Variants in CSMD2 observed in about 807,000 individuals in gnomAD.
CSMD2 encodes the protein CUB and sushi domain-containing protein 2.
A neutral mutation model predicts 398.5 loss-of-function variants in CSMD2; 130 were observed. The observed-to-expected ratio is 0.33, with a 90% CI of 0.28 to 0.38. The LOEUF (loss-of-function observed/expected upper bound fraction) is 0.38. Ranked by LOEUF, CSMD2 falls within the 10% of genes least tolerant of loss-of-function variation. CSMD2 has a pLI of 1.00. For synonymous variants in CSMD2, 1,828 were observed against 1,908.5 expected (o/e 0.96, Z 1.10); for missense variants, 3,829 against 4,764.9 (o/e 0.80, Z 5.78).
intron 5 of CSMD2, among the ~76,000 whole-genome samples, chr1:33,850,851 T>C (rs969886752): frequency 3.9e-5 from 6 of 152,124 alleles, no homozygotes; most frequent in South Asian, 2.1e-4. Flanking sequence ...CTGTAATGCA[T>C]GTAGTTGATT....
At chr1:34,010,559 C>A (rs1647219853) in intron 3 of CSMD2, among the ~76,000 whole-genome samples, 1 of 152,112 alleles carries the variant, frequency 6.6e-6, no homozygotes, top group Admixed American at 6.5e-5. Flanking sequence ...GGAGCTGGAC[C>A]CGAATCCAGG....
chr1:33,556,350 G>T (rs1178567427), intron 55 of CSMD2, among the ~76,000 whole-genome samples: 1 of 152,162 alleles, frequency 6.6e-6, no homozygotes, highest in African/African-American at 2.4e-5. Flanking sequence ...GCAGTGAGCA[G>T]CTATACCAGG....
At chr1:34,145,267 C>A (rs1639663672) in intron 1 of CSMD2, among the ~76,000 whole-genome samples, 1 of 152,208 alleles carries the variant, frequency 6.6e-6, no homozygotes, top group Non-Finnish European at 1.5e-5. Flanking sequence ...CTCATGGCCT[C>A]AACTCAGACC....
intron 5 of CSMD2, among the ~76,000 whole-genome samples, chr1:33,890,451 C>T (rs1450063655): frequency 2.0e-5 from 3 of 152,066 alleles, no homozygotes; most frequent in East Asian, 1.9e-4. Context: ...AGGATGGTCT[C>T]GATCTCCTGA....
At chr1:33,534,694 G>A (rs1655596700) in intron 62 of CSMD2, among the ~76,000 whole-genome samples, 1 of 152,222 alleles carries the variant, frequency 6.6e-6, no homozygotes, top group Admixed American at 6.5e-5. Context: ...AATGCAATGT[G>A]TAACTCTTAA....
intron 9 of CSMD2, among the ~76,000 whole-genome samples, chr1:33,817,801 C>G (rs565766364): frequency 3.3e-5 from 5 of 152,316 alleles, no homozygotes; most frequent in African/African-American, 9.6e-5. Flanking sequence ...GAAACTGGCC[C>G]AAGGGCCCCA....
Position 33,569,484 on chromosome 1 carries a change from T to C in CSMD2, c.8021A>G (p.Tyr2674Cys), listed in dbSNP as rs1659380310. The part of the protein sequence containing the change: ...NGHRIGTLSV[Y>C]GATAIFSCNS... ...GCAGGAGAAGATGGCTGTTGCCCCG[T>C]AGACAGACAGTGTTCCGATGCGGTG... is the stretch of plus-strand genomic sequence containing the variant. Residue 2674 changes from tyrosine to cysteine, a missense_variant, in exon 52 of 71, where the codon TAC (tyrosine) becomes TGC (cysteine). By Grantham distance (194) the Tyr-to-Cys change is radical. This residue lies in a region of CSMD2 where 723 missense variants were observed against 758.6 expected (regional missense o/e 0.95). Coordinates refer to ENST00000373381, the MANE Select transcript of CSMD2 (RefSeq NM_001281956.2). 6.2e-7 allele frequency: 1 copy of C among 1,614,098 alleles called. No homozygotes were observed. The highest frequency in any genetic ancestry group is 8.5e-7 in the Non-Finnish European group (1 of 1,180,014).
chr1:33,829,695 C>T (rs976061873), intron 6 of CSMD2, among the ~76,000 whole-genome samples: 1 of 152,218 alleles, frequency 6.6e-6, no homozygotes, highest in African/African-American at 2.4e-5. Flanking sequence ...TGAGCCAAAG[C>T]AGGGTGAGGC....
At chr1:33,592,441 G>A (rs769772751) in intron 44 of CSMD2, 34 of 716,484 alleles carry the variant, frequency 4.7e-5, no homozygotes, top group Non-Finnish European at 5.5e-5. Context: ...CTGGGGGGCA[G>A]ATGTGTGCGT....
Position 33,537,200 on chromosome 1 carries a change from G to A in CSMD2, c.9806-105C>T, listed in dbSNP as rs1052369496. ...AGAAAAGAAAATGCGGCCACATCCT[G>A]ACTTCCCTGCCCACTGAGATCCCCA... On this transcript the variant is annotated intron_variant, in intron 61 of 70. Coordinates refer to ENST00000373381, the MANE Select transcript of CSMD2 (RefSeq NM_001281956.2). This position sits in a 1 kb window ranked among gnomAD's most constrained non-coding sequence, Gnocchi z 4.6. 7.6e-7 allele frequency: 1 copy of A among 1,315,948 alleles called. No individual in the cohort carries two copies. Among genetic ancestry groups the A allele is most frequent in the Non-Finnish European group, 1.1e-6 (1 of 922,630 alleles). The allele number at this position is 1,315,948 out of a possible 1,614,324, so 81.5% of individuals were successfully genotyped here.
intron 32 of CSMD2, among the ~76,000 whole-genome samples, chr1:33,628,391 G>A (rs1177546026): frequency 2.6e-5 from 4 of 152,178 alleles, no homozygotes; most frequent in African/African-American, 7.2e-5. Context: ...ATTTAAGGCA[G>A]GGTGAAGTAG....
At chr1:34,107,641 T>A (rs1571144941) in intron 1 of CSMD2, among the ~76,000 whole-genome samples, 1 of 152,100 alleles carries the variant, frequency 6.6e-6, no homozygotes, top group African/African-American at 2.4e-5. Flanking sequence ...GGTGGGTGGG[T>A]GGATGGATGA....
At chr1:33,980,802 C>T (rs879706836) in intron 3 of CSMD2, among the ~76,000 whole-genome samples, 2 of 151,972 alleles carry the variant, frequency 1.3e-5, no homozygotes, top group African/African-American at 4.8e-5. Flanking sequence ...GATGATGAAA[C>T]GAAGGAAAAT....
chr1:33,730,082 A>C (rs1462940141), intron 15 of CSMD2, among the ~76,000 whole-genome samples: 1 of 152,246 alleles, frequency 6.6e-6, no homozygotes, highest in Non-Finnish European at 1.5e-5. Context: ...ATCTAACTGA[A>C]TAAACTAGGG....
chr1:33,788,571 A>G (rs1653836563), intron 12 of CSMD2, 29 bp downstream of exon 12: 1 of 1,247,040 alleles, frequency 8.0e-7, no homozygotes, highest in East Asian at 2.3e-5. Flanking sequence ...CCCAGGACAC[A>G]GTTCATCTGG....
At chr1:33,678,015 G>A (rs1371377439) in intron 25 of CSMD2, among the ~76,000 whole-genome samples, 3 of 150,476 alleles carry the variant, frequency 2.0e-5, no homozygotes, top group African/African-American at 7.3e-5. Flanking sequence ...GCTAAATGAT[G>A]AGTTAATGCG....
intron 1 of CSMD2, among the ~76,000 whole-genome samples, chr1:34,104,370 A>G (rs1447691492): frequency 6.6e-6 from 1 of 152,212 alleles, no homozygotes; most frequent in African/African-American, 2.4e-5. Context: ...GATAATTTTA[A>G]GGAGATAACT....
intron 6 of CSMD2, among the ~76,000 whole-genome samples, chr1:33,836,576 C>T (rs1295486417): frequency 1.3e-5 from 2 of 152,190 alleles, no homozygotes. Context: ...GCACCCCTCC[C>T]CTAGCCTCGC....
chr1:34,039,138 T>C (rs1375249569), intron 2 of CSMD2, among the ~76,000 whole-genome samples: 1 of 152,200 alleles, frequency 6.6e-6, no homozygotes, highest in Non-Finnish European at 1.5e-5. Flanking sequence ...GTCACTGGTA[T>C]GGTTCACCTT....
Sources: allele counts gnomAD v4.1 joint callset (sites outside exome capture counted in the v4.1 genomes callset), GRCh38; gene constraint gnomAD v4.1.1; regional missense constraint gnomAD v4.1.1; non-coding constraint Gnocchi (gnomAD v3.1); transcripts MANE v1.5; gene names NCBI Gene and HGNC (gene_info 2026-07-23, HGNC 2026-07-21).